MAPT: variants seen among roughly 807,000 people sequenced by gnomAD.
MAPT encodes microtubule-associated protein tau.
MAPT carries 34 observed loss-of-function variants against 67.9 expected under a neutral mutation model. The observed-to-expected ratio is 0.50, with a 90% CI of 0.38 to 0.67. The LOEUF (loss-of-function observed/expected upper bound fraction) is 0.67, where lower values mean the gene tolerates loss of function less well. MAPT is among the 30% of genes least tolerant of loss of function. The pLI is 0.00. For missense variants in MAPT, 881 were observed against 1,115.2 expected (o/e 0.79, Z 2.99); for synonymous variants, 456 against 464.5 (o/e 0.98, Z 0.23).
chr17:45,960,405 G>A (rs988780119), intron 1 of MAPT, among the ~76,000 whole-genome samples: 5 of 152,210 alleles, frequency 3.3e-5, no homozygotes, highest in Non-Finnish European at 5.9e-5. Flanking sequence ...AGAGGAAGAG[G>A]GGTTCAAATT....
Position 45,981,071 on chromosome 17 carries a change from C to T in MAPT, c.287-1795C>T, listed in dbSNP as rs138862695. Reference sequence around the variant, plus strand: ...GTATCACAGGCTGGAGGTGCTGCTGCGCTCTGACCGGGCCTCTTGGGGATG... The same window carrying T: ...GTATCACAGGCTGGAGGTGCTGCTGTGCTCTGACCGGGCCTCTTGGGGATG... On this transcript the variant is annotated intron_variant, in intron 4 of 12. Coordinates refer to ENST00000262410, the MANE Select transcript of MAPT (RefSeq NM_001377265.1). Among the ~76,000 whole-genome samples, 344 of 152,300 alleles carry T rather than the reference C, an allele frequency of 2.3e-3. 1 individual carries two copies. The highest frequency in any genetic ancestry group is 3.9e-3 in the Non-Finnish European group (267 of 68,012).
intron 1 of MAPT, among the ~76,000 whole-genome samples, chr17:45,941,721 T>TCCTTCCTTCCTTCCTGCCTG (rs2067997463): frequency 8.0e-6 from 1 of 124,626 alleles, no homozygotes; most frequent in African/African-American, 3.0e-5. Context: ...CTTCCTTCCT[T>TCCTTCCTTCCTTCCTGCCTG]CCTTCCTTCC....
At position 46,010,478 on chromosome 17, in the gene MAPT, C is replaced by A; in HGVS notation, c.2091+76C>A. The A allele has an allele frequency of 1.0e-6, 1 of 995,194 alleles. No individual in the cohort carries two copies. The highest frequency in any genetic ancestry group is 1.4e-5 in the South Asian group (1 of 73,034). The allele number at this position is 995,194 out of a possible 1,614,324, so 61.6% of individuals were successfully genotyped here. ...GAAGTGGTGTGAGTGCGTACACTTG[C>A]GAGACACTGCATAGAATAAATCCTT... On this transcript the variant is annotated intron_variant, in intron 10 of 12. Transcript: ENST00000262410. The surrounding 1 kb of genome is among the most constrained non-coding windows in gnomAD (Gnocchi z 4.7).
chr17:45,994,640 T>C (rs1164606813), intron 8 of MAPT, among the ~76,000 whole-genome samples: 1 of 152,086 alleles, frequency 6.6e-6, no homozygotes, highest in African/African-American at 2.4e-5. Flanking sequence ...CTGAGCAACA[T>C]AGTCAGACCC....
At position 45,983,765 on chromosome 17, in the gene MAPT, C is replaced by T. The variant is rs375988437; in HGVS notation, c.1186C>T (p.His396Tyr). Reference sequence around the variant, plus strand: ...GAAGGAGCAGGCGCACTCGGAGGAGCATTTGGGAAGGGCTGCATTTCCAGG... The same window carrying T: ...GAAGGAGCAGGCGCACTCGGAGGAGTATTTGGGAAGGGCTGCATTTCCAGG... ...VQKEQAHSEE[H>Y]LGRAAFPGAP... Residue 396 changes from histidine to tyrosine, a missense_variant, in exon 5 of 13, where the codon CAT (histidine) becomes TAT (tyrosine). Coordinates refer to ENST00000262410, the MANE Select transcript of MAPT (RefSeq NM_001377265.1). 6.6e-5 allele frequency: 107 copies of T among 1,614,016 alleles called. No homozygotes were observed. Among genetic ancestry groups the T allele is most frequent in the Non-Finnish European group, 8.5e-5 (100 of 1,180,024 alleles).
At chr17:45,941,692 TTCCTTCCTGCCTG>T (rs2067953083) in intron 1 of MAPT, among the ~76,000 whole-genome samples, 3 of 71,760 alleles carry the variant, frequency 4.2e-5, no homozygotes, top group African/African-American at 2.0e-4. Context: ...CCTTCCTTCC[TTCCTTCCTGCCTG>T]CCTTCCTTCC....
At chr17:45,909,065 C>T (rs372532591) in intron 1 of MAPT, among the ~76,000 whole-genome samples, 13 of 152,326 alleles carry the variant, frequency 8.5e-5, no homozygotes, top group East Asian at 7.7e-4. Context: ...TGGATCCCAG[C>T]GGGAGCTGCA....
At chr17:45,930,735 T>C (rs8078967) in intron 1 of MAPT, among the ~76,000 whole-genome samples, 80,467 of 152,036 alleles carry the variant, frequency 0.53, 21,611 homozygotes, top group Non-Finnish European at 0.56. Context: ...TGTCATCCCC[T>C]GAAAAAAGGT....
At chr17:46,023,196 C>T (rs1457111390) in intron 12 of MAPT, among the ~76,000 whole-genome samples, 3 of 152,186 alleles carry the variant, frequency 2.0e-5, no homozygotes, top group African/African-American at 7.2e-5. Flanking sequence ...GCCTTTTGAC[C>T]TAAGAGCTTC....
At position 45,991,491 on chromosome 17, in the gene MAPT, C is replaced by G. The variant is rs1348800465; in HGVS notation, c.1637C>G (p.Pro546Arg). The G allele has an allele frequency of 1.9e-6, 3 of 1,614,082 alleles. No homozygotes were observed. The Admixed American group carries it at 5.0e-5, about 27-fold the overall frequency. ...GADGKTKIAT[P>R]RGAAPPGQKG... Reference sequence around the variant, plus strand: ...GATGGTAAAACGAAGATCGCCACACCGCGGGGAGCAGCCCCTCCAGGCCAG... The same window carrying G: ...GATGGTAAAACGAAGATCGCCACACGGCGGGGAGCAGCCCCTCCAGGCCAG... The change falls in exon 8 of 13, where the codon CCG becomes CGG. Residue 546 changes from proline (P) to arginine (R), a missense_variant. Around this residue, in one of 6 missense-constraint regions of MAPT, gnomAD observed 687 missense variants for 766.1 expected, o/e 0.90. Transcript: ENST00000262410.
In MAPT at chr17:45,971,379, A is replaced by G. The variant is rs1468559106; in HGVS notation, c.134-480A>G. Among the ~76,000 whole-genome samples, 2 of 152,200 alleles carry G rather than the reference A, an allele frequency of 1.3e-5. No homozygotes were observed. The highest frequency in any genetic ancestry group is 6.5e-5 in the Admixed American group (1 of 15,282). Reference sequence around the variant, plus strand: ...CTTGGTGGCGTCCAAACACCACCCAATGTCCACTTAGAAGTAAGCACCGTG... The same window carrying G: ...CTTGGTGGCGTCCAAACACCACCCAGTGTCCACTTAGAAGTAAGCACCGTG... On this transcript the variant is annotated intron_variant, in intron 2 of 12. Transcript: ENST00000262410. The surrounding 1 kb of genome is among the most constrained non-coding windows in gnomAD (Gnocchi z 4.3).
At chr17:46,006,492 C>T (rs2145962659) in intron 9 of MAPT, among the ~76,000 whole-genome samples, 1 of 152,038 alleles carries the variant, frequency 6.6e-6, no homozygotes, top group Non-Finnish European at 1.5e-5. Context: ...ACGTAGTTAG[C>T]ATGCATAGAT....
rs2074464261 is a variant in MAPT at position 45,996,323 on chromosome 17, G to A, written c.1733-76G>A. 10 of 1,540,290 alleles carry A rather than the reference G, an allele frequency of 6.5e-6. No homozygotes were observed. Among genetic ancestry groups the A allele is most frequent in the East Asian group, 2.2e-5 (1 of 44,604 alleles). On this transcript the variant is annotated intron_variant, in intron 8 of 12. Transcript: ENST00000262410. The surrounding 1 kb of genome is among the most constrained non-coding windows in gnomAD (Gnocchi z 4.5). Reference sequence around the variant, plus strand: ...GTGGTGAGCCTGGGAATGGACCCACGGGACAGGCAGCCCCCAGGGCCTTTT... The same window carrying A: ...GTGGTGAGCCTGGGAATGGACCCACAGGACAGGCAGCCCCCAGGGCCTTTT...
rs577951948 is a variant in MAPT at position 45,993,213 on chromosome 17, G to A, written c.1732+1627G>A. Among the ~76,000 whole-genome samples, 23 of 152,346 alleles carry A rather than the reference G, an allele frequency of 1.5e-4. No homozygotes were observed. The South Asian group carries it at 3.7e-3, about 25-fold the overall frequency. Reference sequence around the variant, plus strand: ...CGGTGGCATTTCTCGCACACATGCCGTGCAGTGGCACCCCCAAGGATGGCC... The same window carrying A: ...CGGTGGCATTTCTCGCACACATGCCATGCAGTGGCACCCCCAAGGATGGCC... On this transcript the variant is annotated intron_variant, in intron 8 of 12. Coordinates refer to ENST00000262410, the MANE Select transcript of MAPT (RefSeq NM_001377265.1).
At chr17:46,020,428 C>A (rs1465205569) in intron 12 of MAPT, among the ~76,000 whole-genome samples, 1 of 152,224 alleles carries the variant, frequency 6.6e-6, no homozygotes, top group African/African-American at 2.4e-5. Flanking sequence ...GGCCCACACC[C>A]AGCCTGAAGT....
At chr17:45,938,559 C>T (rs1376404399) in intron 1 of MAPT, among the ~76,000 whole-genome samples, 1 of 152,206 alleles carries the variant, frequency 6.6e-6, no homozygotes, top group Non-Finnish European at 1.5e-5. Flanking sequence ...TTGCCATGTA[C>T]AGTGACATAT....
chr17:45,965,564 T>C (rs1164375131), intron 2 of MAPT, among the ~76,000 whole-genome samples: 2 of 150,850 alleles, frequency 1.3e-5, no homozygotes, highest in Non-Finnish European at 1.5e-5. Context: ...TACAGGCGCC[T>C]ACCACCACGC....
At chr17:45,937,554 G>A (rs540334599) in intron 1 of MAPT, among the ~76,000 whole-genome samples, 29 of 148,354 alleles carry the variant, frequency 2.0e-4, no homozygotes, top group Non-Finnish European at 2.2e-4. Flanking sequence ...TTGCACCACT[G>A]CACTCCAGCC....
rs377521664 is a variant in MAPT at position 46,003,330 on chromosome 17, G to A, written c.1998+6666G>A. ...GTCTCACTCTGTCACCCAGGCTGGA[G>A]TGCAGTGGTGCAATCTCGGCTCACT... On this transcript the variant is annotated intron_variant, in intron 9 of 12. Coordinates refer to ENST00000262410, the MANE Select transcript of MAPT (RefSeq NM_001377265.1). 7.2e-5 allele frequency among the ~76,000 whole-genome samples: 11 copies of A among 152,182 alleles called. No homozygotes were observed. In the South Asian group the frequency reaches 8.3e-4, roughly 12 times the overall value.
Sources: gnomAD v4.1 joint callset for allele counts (sites outside exome capture counted in the v4.1 genomes callset) on GRCh38, gnomAD v4.1.1 for gene constraint, gnomAD v4.1.1 regional missense constraint, Gnocchi (gnomAD v3.1) non-coding constraint, MANE v1.5 for transcripts, NCBI Gene and HGNC (gene_info 2026-07-23, HGNC 2026-07-21) for gene names.